Variants in CMIP observed in about 807,000 individuals in gnomAD.
The protein encoded by CMIP is C-Maf-inducing protein.
Under a neutral mutation model 97.3 loss-of-function variants are expected in CMIP, and 13 were observed. The observed-to-expected ratio is 0.13, with a 90% CI of 0.09 to 0.21. The LOEUF is 0.21. CMIP is among the 10% of genes least tolerant of loss of function. The pLI is 1.00. For missense variants in CMIP, 847 were observed against 1,024.9 expected (o/e 0.83, Z 2.37); for synonymous variants, 538 against 436.3 (o/e 1.23, Z -2.91).
chr16:81,677,647 C>G (rs897684566), intron 9 of CMIP, among the ~76,000 whole-genome samples: 4 of 152,222 alleles, frequency 2.6e-5, no homozygotes, highest in African/African-American at 7.2e-5. Context: ...CATAGAGCCC[C>G]TTTCTGGGTT....
chr16:81,530,950 T>G (rs985514303), intron 1 of CMIP, among the ~76,000 whole-genome samples: 34 of 152,224 alleles, frequency 2.2e-4, no homozygotes, highest in Non-Finnish European at 4.7e-4. Context: ...CTGTCGAACG[T>G]AGCCACCAGC....
intron 10 of CMIP, among the ~76,000 whole-genome samples, chr16:81,682,403 A>G (rs1904961157): frequency 6.6e-6 from 1 of 152,138 alleles, no homozygotes. Context: ...CGTCTCTACT[A>G]AAAATACAAA....
chr16:81,454,421 C>T (rs1906422224), intron 1 of CMIP, among the ~76,000 whole-genome samples: 1 of 152,256 alleles, frequency 6.6e-6, no homozygotes, highest in South Asian at 2.1e-4. Context: ...GAAACTATTT[C>T]AGCCTCCTGC....
intron 1 of CMIP, among the ~76,000 whole-genome samples, chr16:81,542,335 ATC>A (rs1240965384): frequency 6.6e-6 from 1 of 152,112 alleles, no homozygotes; most frequent in Non-Finnish European, 1.5e-5. Flanking sequence ...CAGTGCTTAG[ATC>A]TGTTTGTCAC....
chr16:81,587,976 G>A (rs1384000844), intron 1 of CMIP, among the ~76,000 whole-genome samples: 3 of 152,128 alleles, frequency 2.0e-5, no homozygotes, highest in Admixed American at 1.3e-4. Context: ...AGGCAGGAAC[G>A]GTCAGGGATT....
At chr16:81,570,560 C>T (rs1478024772) in intron 1 of CMIP, among the ~76,000 whole-genome samples, 2 of 152,070 alleles carry the variant, frequency 1.3e-5, no homozygotes, top group Non-Finnish European at 2.9e-5. Flanking sequence ...GGAGCCCCAC[C>T]CTACCCCTGT....
At chr16:81,476,038 A>G in intron 1 of CMIP, 1 of 698,092 alleles carries the variant, frequency 1.4e-6, no homozygotes, top group South Asian at 1.4e-5. Flanking sequence ...CAAGTTGTCC[A>G]CAGTTAGCAA....
intron 16 of CMIP, 92 bp from the exon 17 acceptor site, chr16:81,702,530 G>C (rs1175762610): frequency 2.3e-6 from 3 of 1,288,034 alleles, no homozygotes; most frequent in Non-Finnish European, 2.2e-6. Context: ...AGAAAATAAC[G>C]ATGGCTCCAT....
chr16:81,475,986 C>CAAAA, intron 1 of CMIP: 2 of 393,520 alleles, frequency 5.1e-6, no homozygotes, highest in Admixed American at 3.6e-5. Context: ...GACTCCTTCT[C>CAAAA]AAAAAAAAAA....
intron 4 of CMIP, among the ~76,000 whole-genome samples, chr16:81,656,547 T>G (rs1196132108): frequency 1.3e-5 from 2 of 152,232 alleles, no homozygotes; most frequent in African/African-American, 4.8e-5. Context: ...ATTCCTTGTT[T>G]ATGGCACAGC....
intron 20 of CMIP, among the ~76,000 whole-genome samples, chr16:81,708,799 G>C (rs2151112709): frequency 6.6e-6 from 1 of 152,368 alleles, no homozygotes; most frequent in South Asian, 2.1e-4. Context: ...GTGGCTGCAG[G>C]TCCCCACCTG....
At chr16:81,493,502 C>T (rs902734728) in intron 1 of CMIP, among the ~76,000 whole-genome samples, 8 of 152,182 alleles carry the variant, frequency 5.3e-5, no homozygotes, top group African/African-American at 1.7e-4. Context: ...TAGTGTGTAC[C>T]GTGTGACTCA....
At chr16:81,571,613 TAAGAA>T (rs1344567550) in intron 1 of CMIP, among the ~76,000 whole-genome samples, 5 of 127,078 alleles carry the variant, frequency 3.9e-5, no homozygotes, top group Non-Finnish European at 6.7e-5. Flanking sequence ...AAAAAAAAAT[TAAGAA>T]AAGAAAAGAA....
rs2091924589 is a variant in CMIP, at chr16:81,616,801, G to A, written c.427-4075G>A. On this transcript the variant is annotated intron_variant, in intron 2 of 20. Coordinates refer to ENST00000537098, the MANE Select transcript of CMIP (RefSeq NM_198390.3). The surrounding 1 kb of genome is among the most constrained non-coding windows in gnomAD (Gnocchi z 4.7). ...AAGAGACTGATGTGTAGCAGTGTCT[G>A]TGGTCAGTGGCTCTGAAGAAATCCG... is the stretch of plus-strand genomic sequence containing the variant. Among the ~76,000 whole-genome samples, 1 of 152,264 alleles carries A rather than the reference G, an allele frequency of 6.6e-6. No homozygotes were observed. Among genetic ancestry groups the A allele is most frequent in the South Asian group, 2.1e-4 (1 of 4,838 alleles).
intron 1 of CMIP, among the ~76,000 whole-genome samples, chr16:81,494,541 A>C (rs1360294991): frequency 6.6e-6 from 1 of 152,176 alleles, no homozygotes; most frequent in Non-Finnish European, 1.5e-5. Flanking sequence ...CACTCCCCTC[A>C]GGAAGCACGG....
chr16:81,649,738 C>G (rs1335598097), intron 3 of CMIP, among the ~76,000 whole-genome samples: 2 of 152,270 alleles, frequency 1.3e-5, no homozygotes, highest in South Asian at 2.1e-4. Flanking sequence ...CACTTAGAGC[C>G]CAGACTCCAT....
intron 1 of CMIP, among the ~76,000 whole-genome samples, chr16:81,526,819 C>T (rs2090142412): frequency 6.6e-6 from 1 of 152,210 alleles, no homozygotes; most frequent in African/African-American, 2.4e-5. Flanking sequence ...TTCTGGGCAG[C>T]TCTGTGGAAG....
At chr16:81,658,312 T>C (rs1017832090) in intron 5 of CMIP, among the ~76,000 whole-genome samples, 1 of 152,242 alleles carries the variant, frequency 6.6e-6, no homozygotes, top group Non-Finnish European at 1.5e-5. Context: ...TGAATGACTT[T>C]TAGCTACGAA....
intron 3 of CMIP, among the ~76,000 whole-genome samples, chr16:81,629,271 C>T (rs2092120556): frequency 6.6e-6 from 1 of 151,892 alleles, no homozygotes; most frequent in African/African-American, 2.4e-5. Flanking sequence ...GCTGTCAGAC[C>T]ACCTCTCCCA....
Sources: gnomAD v4.1 joint callset for allele counts (sites outside exome capture counted in the v4.1 genomes callset) on GRCh38, gnomAD v4.1.1 for gene constraint, Gnocchi (gnomAD v3.1) non-coding constraint, MANE v1.5 for transcripts, NCBI Gene and HGNC (gene_info 2026-07-23, HGNC 2026-07-21) for gene names.